Variants in RIC1 observed in about 807,000 individuals in gnomAD.
The protein encoded by RIC1 is RIC1 partner of RAB6A GEF complex, also known as guanine nucleotide exchange factor subunit RIC1.
RIC1 carries 88 observed loss-of-function variants against 169.0 expected under a neutral mutation model. The observed-to-expected ratio is 0.52, with a 90% CI of 0.44 to 0.62. The LOEUF is 0.62. RIC1 is among the 20% of genes least tolerant of loss of function. The pLI is 0.00. For synonymous variants in RIC1, 790 were observed against 601.5 expected (o/e 1.31, Z -4.59); for missense variants, 1,877 against 1,725.5 (o/e 1.09, Z -1.56).
chr9:5,734,568 A>C (rs954453373), intron 7 of RIC1, among the ~76,000 whole-genome samples: 1 of 151,412 alleles, frequency 6.6e-6, no homozygotes, highest in African/African-American at 2.4e-5. Flanking sequence ...AAACAAAAAT[A>C]TGCATACAAA....
At chr9:5,635,814 C>T (rs1282800419) in intron 1 of RIC1, among the ~76,000 whole-genome samples, 1 of 152,234 alleles carries the variant, frequency 6.6e-6, no homozygotes, top group African/African-American at 2.4e-5. Flanking sequence ...CTCTGTCTCT[C>T]TCTTGCCTGC....
intron 1 of RIC1, among the ~76,000 whole-genome samples, chr9:5,640,128 T>G (rs1487749504): frequency 6.6e-6 from 1 of 152,238 alleles, no homozygotes; most frequent in Non-Finnish European, 1.5e-5. Context: ...CTGGTTGTTT[T>G]GTGGTCTTCG....
intron 2 of RIC1, among the ~76,000 whole-genome samples, chr9:5,683,431 G>T (rs1372637800): frequency 6.6e-6 from 1 of 152,132 alleles, no homozygotes; most frequent in Non-Finnish European, 1.5e-5. Flanking sequence ...TGTTTGCCTG[G>T]GTATCAGCAG....
At chr9:5,682,052 C>G (rs1438178554) in intron 2 of RIC1, among the ~76,000 whole-genome samples, 1 of 152,112 alleles carries the variant, frequency 6.6e-6, no homozygotes, top group Non-Finnish European at 1.5e-5. Flanking sequence ...CTATGTGTGT[C>G]TCTGCACCTG....
chr9:5,767,672 C>T (rs979458777), intron 21 of RIC1, among the ~76,000 whole-genome samples: 16 of 152,180 alleles, frequency 1.1e-4, no homozygotes, highest in African/African-American at 3.9e-4. Context: ...ATCGCAATCT[C>T]CGCCTCCCAG....
At chr9:5,724,592 C>T (rs1313260536) in intron 6 of RIC1, among the ~76,000 whole-genome samples, 1 of 152,184 alleles carries the variant, frequency 6.6e-6, no homozygotes, top group African/African-American at 2.4e-5. Context: ...ACTTCCAACA[C>T]TGTGTTGAAT....
intron 1 of RIC1, among the ~76,000 whole-genome samples, chr9:5,656,063 G>A (rs1819079590): frequency 6.6e-6 from 1 of 151,884 alleles, no homozygotes; most frequent in Admixed American, 6.6e-5. Flanking sequence ...GTAGAAACGG[G>A]GTTTCACTGT....
chr9:5,686,752 A>G (rs1426957669), intron 2 of RIC1, among the ~76,000 whole-genome samples: 1 of 151,916 alleles, frequency 6.6e-6, no homozygotes, highest in Admixed American at 6.5e-5. Flanking sequence ...CAATGTGCAC[A>G]TGTACCCTAA....
Position 5,689,128 on chromosome 9 carries a change from A to C in RIC1, c.253-831A>C, listed in dbSNP as rs1307839866. Among the ~76,000 whole-genome samples the C allele has an allele frequency of 5.2e-5, 7 of 134,566 alleles. No individual in the cohort carries two copies. The East Asian group carries it at 1.1e-3, about 22-fold the overall frequency. The allele number at this position is 134,566 out of a possible 152,430, so 88.3% of individuals were successfully genotyped here. On this transcript the variant is annotated intron_variant, in intron 2 of 25. Coordinates refer to ENST00000414202, the MANE Select transcript of RIC1 (RefSeq NM_020829.4). ...CAGTGGCGCGATCTTAGCTCACTGC[A>C]AGCTCCGCCTTCTGGGTTCACGCCA...
chr9:5,754,915 T>C lies in RIC1; in HGVS notation c.1677T>C (p.Asn559=). 1 of 1,555,472 alleles carries C rather than the reference T, an allele frequency of 6.4e-7. No individual in the cohort carries two copies. Among genetic ancestry groups the C allele is most frequent in the Non-Finnish European group, 8.8e-7 (1 of 1,142,278 alleles). The part of the protein sequence containing the change: ...DFMVLACYNI[N]DRQEELRVYL... Reference sequence around the variant, plus strand: ...TGGTCCTTGCGTGTTATAACATAAATGACCGTCAAGAAGAGGTAAGTTTTT... The same window carrying C: ...TGGTCCTTGCGTGTTATAACATAAACGACCGTCAAGAAGAGGTAAGTTTTT... Residue 559 remains asparagine, a synonymous_variant, in exon 15 of 26, where the codon AAT becomes AAC. Transcript: ENST00000414202.
chr9:5,651,773 G>C (rs1818814132), intron 1 of RIC1, among the ~76,000 whole-genome samples: 1 of 151,712 alleles, frequency 6.6e-6, no homozygotes, highest in Admixed American at 6.6e-5. Context: ...TTGCCATGTT[G>C]GCCAGGTTGG....
At chr9:5,664,971 T>A (rs1295051491) in intron 2 of RIC1, among the ~76,000 whole-genome samples, 1 of 152,198 alleles carries the variant, frequency 6.6e-6, no homozygotes, top group Non-Finnish European at 1.5e-5. Context: ...GTCGGTTATG[T>A]TGCTCTCTAA....
chr9:5,722,700 TC>T (rs1157256776), intron 6 of RIC1, among the ~76,000 whole-genome samples: 5 of 151,644 alleles, frequency 3.3e-5, no homozygotes, highest in Admixed American at 6.6e-5. Context: ...ATGCTATCCC[TC>T]CCCCCCTCGC....
intron 3 of RIC1, among the ~76,000 whole-genome samples, chr9:5,691,377 G>C (rs1421859019): frequency 1.3e-5 from 2 of 151,900 alleles, no homozygotes; most frequent in Non-Finnish European, 2.9e-5. Context: ...TTTTCAACTA[G>C]TTAGATTTTC....
chr9:5,689,205 C>G (rs564320007), intron 2 of RIC1, among the ~76,000 whole-genome samples: 5 of 151,872 alleles, frequency 3.3e-5, no homozygotes, highest in Non-Finnish European at 5.9e-5. Context: ...CCTGCCACCA[C>G]GCCCGGCTAA....
intron 9 of RIC1, among the ~76,000 whole-genome samples, chr9:5,743,352 T>C (rs1016150764): frequency 6.6e-6 from 1 of 152,172 alleles, no homozygotes; most frequent in African/African-American, 2.4e-5. Context: ...AAAGTTACGT[T>C]ATCTCATTAG....
intron 17 of RIC1, among the ~76,000 whole-genome samples, chr9:5,759,480 A>G (rs1343537986): frequency 6.6e-6 from 1 of 152,208 alleles, no homozygotes; most frequent in Non-Finnish European, 1.5e-5. Context: ...TAAAAACCAA[A>G]TGCAGTGGTT....
Position 5,690,031 on chromosome 9 carries a change from T to C in RIC1, c.325T>C (p.Tyr109His), listed in dbSNP as rs781015472. ...RGDKYLYEPV[Y>H]PKGSPQMKGT... ...GGACAAGTACCTTTATGAACCAGTG[T>C]ATCCCAAGTAAGTTTGTTGCCTTTC... is the stretch of plus-strand genomic sequence containing the variant. The change falls in exon 3 of 26, where the codon TAT becomes CAT. Residue 109 changes from tyrosine to histidine, a missense_variant. Transcript: ENST00000414202. 1.1e-5 allele frequency: 17 copies of C among 1,586,094 alleles called. No homozygotes were observed. Among genetic ancestry groups the C allele is most frequent in the Admixed American group, 1.9e-5 (1 of 53,048 alleles).
intron 2 of RIC1, among the ~76,000 whole-genome samples, chr9:5,682,869 AT>A (rs1463929413): frequency 6.6e-6 from 1 of 152,024 alleles, no homozygotes; most frequent in African/African-American, 2.4e-5. Flanking sequence ...GTTTCTTTTT[AT>A]TCTTTTTTCT....
Sources: gnomAD v4.1 joint callset for allele counts (sites outside exome capture counted in the v4.1 genomes callset) on GRCh38, gnomAD v4.1.1 for gene constraint, MANE v1.5 for transcripts, NCBI Gene and HGNC (gene_info 2026-07-23, HGNC 2026-07-21) for gene names.